DRC2: variants seen among roughly 807,000 people sequenced by gnomAD.
The protein encoded by DRC2 is dynein regulatory complex subunit 2.
the DRC2 span, chr12:48,916,981 T>C: frequency 2.5e-5 from 41 of 1,613,850 alleles, no homozygotes; most frequent in African/African-American, 2.8e-4. Context: ...AAGACAATTA[T>C]TGACCAACAT....
At chr12:48,913,396 C>T in the DRC2 span, among the ~76,000 whole-genome samples, 154 of 151,816 alleles carry the variant, frequency 1.0e-3, 1 homozygote, top group African/African-American at 3.6e-3. Context: ...CTTGGCCTCC[C>T]GGGTTCAAGC....
chr12:48,904,343 A>T, the DRC2 span: 2 of 1,613,284 alleles, frequency 1.2e-6, no homozygotes, highest in East Asian at 4.5e-5. Context: ...CCCCATGCCT[A>T]AGAAAGAAAA....
the DRC2 span, among the ~76,000 whole-genome samples, chr12:48,912,437 CAAAAA>C: frequency 6.0e-4 from 27 of 45,358 alleles, 1 homozygote; most frequent in South Asian, 0.043. Context: ...GACGCCGTCT[CAAAAA>C]AAAAAAAAAA....
At chr12:48,904,858 A>C in the DRC2 span, 2 of 1,115,144 alleles carry the variant, frequency 1.8e-6, no homozygotes, top group Non-Finnish European at 2.5e-6. Flanking sequence ...GAAAAGGGGT[A>C]AGGTGTCAGC....
At chr12:48,908,350 G>A in the DRC2 span, among the ~76,000 whole-genome samples, 1 of 151,880 alleles carries the variant, frequency 6.6e-6, no homozygotes, top group Admixed American at 6.6e-5. Context: ...ACTGGGCTCG[G>A]TCCATCCTAG....
chr12:48,908,820 C>CT, the DRC2 span, among the ~76,000 whole-genome samples: 6 of 151,218 alleles, frequency 4.0e-5, no homozygotes, highest in Non-Finnish European at 8.8e-5. Context: ...AGGCTGGTCT[C>CT]TAACTCCTGG....
At chr12:48,912,454 A>AAAAAAAAAAAAAAAAAAAAAAAAAAAAC in the DRC2 span, among the ~76,000 whole-genome samples, 1 of 149,870 alleles carries the variant, frequency 6.7e-6, no homozygotes, top group Non-Finnish European at 1.5e-5. Context: ...AAAAAAAAAA[A>AAAAAAAAAAAAAAAAAAAAAAAAAAAAC]AAAAAATTCA....
chr12:48,919,452 C>CT, the DRC2 span, among the ~76,000 whole-genome samples: 2 of 152,078 alleles, frequency 1.3e-5, no homozygotes, highest in Non-Finnish European at 2.9e-5. Context: ...CCCACCCTGG[C>CT]TTTCTAAAAT....
At chr12:48,919,162 C>T in the DRC2 span, among the ~76,000 whole-genome samples, 3 of 151,960 alleles carry the variant, frequency 2.0e-5, no homozygotes, top group African/African-American at 4.8e-5. Context: ...GTCCTCTTGC[C>T]TTGGCCTCCC....
the DRC2 span, among the ~76,000 whole-genome samples, chr12:48,905,626 A>G: frequency 2.0e-5 from 3 of 152,186 alleles, no homozygotes; most frequent in Non-Finnish European, 4.4e-5. Context: ...AAGCAATTCA[A>G]TCAGCCATCC....
chr12:48,914,644 C>A, the DRC2 span: 1 of 1,469,298 alleles, frequency 6.8e-7, no homozygotes, highest in Admixed American at 2.1e-5. Context: ...AAGGAGTTGC[C>A]TGTAAGCAAG....
the DRC2 span, among the ~76,000 whole-genome samples, chr12:48,907,815 A>C: frequency 2.6e-5 from 4 of 152,124 alleles, no homozygotes; most frequent in Non-Finnish European, 1.5e-5. Flanking sequence ...CTGGGACATA[A>C]ATCAGTCACT....
At chr12:48,904,177 G>A in the DRC2 span, 1 of 865,850 alleles carries the variant, frequency 1.2e-6, no homozygotes, top group Non-Finnish European at 1.8e-6. Context: ...TGATAGCCGG[G>A]GATCTCTCCT....
At chr12:48,916,407 G>A in the DRC2 span, among the ~76,000 whole-genome samples, 10 of 152,064 alleles carry the variant, frequency 6.6e-5, no homozygotes, top group East Asian at 5.8e-4. Context: ...AGACCAGCCC[G>A]GCCAACACAG....
At chr12:48,921,278 G>A in the DRC2 span, 1 of 1,614,218 alleles carries the variant, frequency 6.2e-7, no homozygotes, top group South Asian at 1.1e-5. Flanking sequence ...ATATCAATGG[G>A]AAGCTGCGGG....
At chr12:48,921,190 T>C in the DRC2 span, 3 of 1,613,982 alleles carry the variant, frequency 1.9e-6, no homozygotes, top group Non-Finnish European at 2.5e-6. Flanking sequence ...TACATAGGAA[T>C]GGAGAATTTC....
At chr12:48,918,263 G>A in the DRC2 span, 2 of 1,613,270 alleles carry the variant, frequency 1.2e-6, no homozygotes, top group East Asian at 2.2e-5. Context: ...CTATTTTGGG[G>A]TCACTTGCTA....
chr12:48,904,138 C>G, the DRC2 span: 1 of 625,648 alleles, frequency 1.6e-6, no homozygotes, highest in Non-Finnish European at 2.7e-6. Context: ...AGACTAGACG[C>G]GTCTTACAGT....
At chr12:48,913,203 T>C in the DRC2 span, among the ~76,000 whole-genome samples, 6,706 of 151,580 alleles carry the variant, frequency 0.044, 189 homozygotes, top group Non-Finnish European at 0.066. Context: ...AAAGCACCCA[T>C]TTCTCCAAGA....
Sources: gnomAD v4.1 joint callset for allele counts (sites outside exome capture counted in the v4.1 genomes callset) on GRCh38, gnomAD v4.1.1 for gene constraint, MANE v1.5 for transcripts, NCBI Gene and HGNC (gene_info 2026-07-23, HGNC 2026-07-21) for gene names.